Variants in ASH1L observed in about 807,000 individuals in gnomAD.
ASH1L encodes the protein histone-lysine N-methyltransferase ASH1L.
ASH1L carries 23 observed loss-of-function variants against 269.0 expected under a neutral mutation model. The observed-to-expected ratio is 0.09, with a 90% confidence interval of 0.06 to 0.12. The LOEUF (loss-of-function observed/expected upper bound fraction) is 0.12. ASH1L is among the 10% of genes least tolerant of loss of function. The pLI is 1.00. For synonymous variants in ASH1L, 1,187 were observed against 1,253.5 expected, an observed-to-expected ratio of 0.95 and a Z score of 1.12; for missense variants, 2,912 against 3,567.8, an observed-to-expected ratio of 0.82 and a Z score of 4.68.
At chr1:155,539,591 G>C (rs756028067) in intron 1 of ASH1L, among the ~76,000 whole-genome samples, 1 of 152,026 alleles carries the variant, frequency 6.6e-6, no homozygotes, top group Non-Finnish European at 1.5e-5. Flanking sequence ...TGGGACTACA[G>C]GCACACACCA....
At chr1:155,473,242 C>T (rs540251728) in intron 3 of ASH1L, among the ~76,000 whole-genome samples, 31 of 152,282 alleles carry the variant, frequency 2.0e-4, no homozygotes, top group South Asian at 1.9e-3. Context: ...CCACATTCTT[C>T]CTCTTGGCTC....
chr1:155,381,448 G>A (rs967667678), intron 7 of ASH1L, among the ~76,000 whole-genome samples: 1 of 152,112 alleles, frequency 6.6e-6, no homozygotes, highest in Non-Finnish European at 1.5e-5. Flanking sequence ...TACTCAGGAG[G>A]CTGAGGCAGG....
intron 27 of ASH1L, 36 bp downstream of exon 27, chr1:155,338,053 A>G (rs1652460114): frequency 6.3e-7 from 1 of 1,590,310 alleles, no homozygotes; most frequent in Non-Finnish European, 8.6e-7. Context: ...TTTCGCATTT[A>G]TCTTAAACCC....
intron 2 of ASH1L, among the ~76,000 whole-genome samples, chr1:155,514,621 T>C (rs1668381287): frequency 6.6e-6 from 1 of 152,128 alleles, no homozygotes; most frequent in Non-Finnish European, 1.5e-5. Context: ...TCTTCTTATT[T>C]GGGTTTAAAA....
chr1:155,358,412 C>G (rs1384001558), intron 13 of ASH1L, among the ~76,000 whole-genome samples: 5 of 152,082 alleles, frequency 3.3e-5, no homozygotes, highest in Admixed American at 6.6e-5. Context: ...AAAGGCCAGG[C>G]ATGGTGGCTC....
At chr1:155,522,324 A>G (rs1327422509) in intron 1 of ASH1L, among the ~76,000 whole-genome samples, 2 of 152,326 alleles carry the variant, frequency 1.3e-5, no homozygotes, top group East Asian at 1.9e-4. Context: ...CATCTATCAT[A>G]TGCCAGGCAT....
At chr1:155,559,906 C>A (rs1373616012) in intron 1 of ASH1L, among the ~76,000 whole-genome samples, 1 of 152,180 alleles carries the variant, frequency 6.6e-6, no homozygotes, top group Non-Finnish European at 1.5e-5. Context: ...AAACCCACTT[C>A]TCAGAGTTTA....
rs559393682 is a variant in ASH1L, at chr1:155,551,932, T to C, written c.-100+10221A>G. Among the ~76,000 whole-genome samples, 21 of 146,900 alleles carry C rather than the reference T, an allele frequency of 1.4e-4. No individual in the cohort carries two copies. In the East Asian group the frequency reaches 2.9e-3, roughly 21 times the overall value. On this transcript the variant is annotated intron_variant, in intron 1 of 27. Coordinates refer to ENST00000392403, the MANE Select transcript of ASH1L (RefSeq NM_018489.3). ...CAGAGATTGCAGTGAGCCGAGATCA[T>C]GCCATTGCACTCCAGCCTGGGCGAA...
At chr1:155,518,047 G>A (rs538768969) in intron 2 of ASH1L, among the ~76,000 whole-genome samples, 3 of 151,986 alleles carry the variant, frequency 2.0e-5, no homozygotes, top group East Asian at 1.9e-4. Context: ...TGATCCGCCC[G>A]CCTCGGCCTC....
At chr1:155,434,800 G>A (rs1404767478) in intron 5 of ASH1L, among the ~76,000 whole-genome samples, 3 of 151,750 alleles carry the variant, frequency 2.0e-5, no homozygotes, top group Non-Finnish European at 1.5e-5. Flanking sequence ...GCAGTGAGCC[G>A]AGATTGTGCC....
At chr1:155,500,995 A>G (rs2148793899) in intron 2 of ASH1L, among the ~76,000 whole-genome samples, 1 of 152,216 alleles carries the variant, frequency 6.6e-6, no homozygotes, top group Admixed American at 6.5e-5. Context: ...TATTTAAAAA[A>G]AAAGAGCTAA....
At chr1:155,539,997 A>T (rs912278375) in intron 1 of ASH1L, among the ~76,000 whole-genome samples, 1 of 152,016 alleles carries the variant, frequency 6.6e-6, no homozygotes, top group Non-Finnish European at 1.5e-5. Context: ...TGAGCCCAGG[A>T]GGTCAAGGCT....
Position 155,370,941 on chromosome 1 carries a change from G to T in ASH1L, c.6375C>A (p.Gly2125=). 6.2e-7 allele frequency: 1 copy of T among 1,613,992 alleles called. No homozygotes were observed. The highest frequency in any genetic ancestry group is 1.7e-5 in the Admixed American group (1 of 59,978). ...GTATCCTCTGGTTACAGCATTGCTC[G>T]CCACATGGGCAAGTGTTGGGGGAAC... The part of the protein sequence containing the change: ...AECSPNTCPC[G]EQCCNQRIQR... Residue 2125 remains glycine, a synonymous_variant, in exon 11 of 28, where the codon GGC becomes GGA. Coordinates refer to ENST00000392403, the MANE Select transcript of ASH1L (RefSeq NM_018489.3).
At chr1:155,516,950 A>G (rs1668538618) in intron 2 of ASH1L, among the ~76,000 whole-genome samples, 1 of 152,198 alleles carries the variant, frequency 6.6e-6, no homozygotes, top group Non-Finnish European at 1.5e-5. Flanking sequence ...GAAAGAAATT[A>G]AGGAAATCTT....
At chr1:155,384,142 A>T (rs1335975513) in intron 7 of ASH1L, among the ~76,000 whole-genome samples, 1 of 152,214 alleles carries the variant, frequency 6.6e-6, no homozygotes, top group Non-Finnish European at 1.5e-5. Flanking sequence ...GTTTTTGCTT[A>T]CTGTATTCTT....
chr1:155,543,509 C>CAAAAAAA (rs34813767), intron 1 of ASH1L, among the ~76,000 whole-genome samples: 2 of 57,452 alleles, frequency 3.5e-5, no homozygotes, highest in Admixed American at 2.0e-4. Flanking sequence ...GACTCTGTCT[C>CAAAAAAA]AAAAAAAAAA....
At chr1:155,410,903 GC>G (rs1402560232) in intron 6 of ASH1L, among the ~76,000 whole-genome samples, 1 of 150,974 alleles carries the variant, frequency 6.6e-6, no homozygotes, top group Non-Finnish European at 1.5e-5. Flanking sequence ...ATCGCACCTG[GC>G]CCCTTTATTT....
At position 155,479,625 on chromosome 1, in the gene ASH1L, C is replaced by T. The variant is rs1188154959; in HGVS notation, c.3245G>A (p.Gly1082Glu). 1 of 1,614,174 alleles carries T rather than the reference C, an allele frequency of 6.2e-7. No individual in the cohort carries two copies. Among genetic ancestry groups the T allele is most frequent in the Non-Finnish European group, 8.5e-7 (1 of 1,180,016 alleles). The change falls in exon 3 of 28, where the codon GGG (glycine) becomes GAG (glutamate). Residue 1082 changes from glycine (G) to glutamate (E), a missense_variant. Physicochemically the swap from Gly to Glu is moderately conservative, Grantham distance 98 (BLOSUM62 -2). Coordinates refer to ENST00000392403, the MANE Select transcript of ASH1L (RefSeq NM_018489.3). ...GGGAAGAATCTGTCCTAATGCTGAC[C>T]CAGCTGCCTGTTGAGCTGTTTGCTC... ...VLEQTAQQAA[G>E]SALGQILPPL...
Position 155,479,306 on chromosome 1 carries a change from G to C in ASH1L, c.3564C>G (p.Ile1188Met), listed in dbSNP as rs767133428. 1.2e-6 allele frequency: 2 copies of C among 1,614,124 alleles called. No individual in the cohort carries two copies. Among genetic ancestry groups the C allele is most frequent in the Non-Finnish European group, 1.7e-6 (2 of 1,180,030 alleles). Reference protein sequence around the residue: ...TSLKEATPSPISESHSDETIP... With the variant: ...TSLKEATPSPMSESHSDETIP... ...TGGTCTCATCACTATGAGACTCACT[G>C]ATTGGGGAAGGAGTAGCTTCTTTTA... is the stretch of plus-strand genomic sequence containing the variant. The change falls in exon 3 of 28, where the codon ATC becomes ATG. Residue 1188 changes from isoleucine to methionine, a missense_variant. Ile to Met is a conservative substitution (Grantham distance 10). Coordinates refer to ENST00000392403, the MANE Select transcript of ASH1L (RefSeq NM_018489.3).
Sources: gnomAD v4.1 joint callset for allele counts (sites outside exome capture counted in the v4.1 genomes callset) on GRCh38, gnomAD v4.1.1 for gene constraint, MANE v1.5 for transcripts, NCBI Gene and HGNC (gene_info 2026-07-23, HGNC 2026-07-21) for gene names.